Variants in NRXN1 observed in about 807,000 individuals in gnomAD.
The protein encoded by NRXN1 is neurexin-1.
NRXN1 carries 39 observed loss-of-function variants against 150.9 expected under a neutral mutation model. The observed-to-expected ratio is 0.26, with a 90% confidence interval of 0.20 to 0.34. The LOEUF (loss-of-function observed/expected upper bound fraction) is 0.34, where lower values mean the gene tolerates loss of function less well. Ranked by LOEUF, NRXN1 falls within the 10% of genes least tolerant of loss-of-function variation. The probability of loss-of-function intolerance (pLI) is 1.00; values close to 1 mark genes in which losing one functional copy is unlikely to be tolerated. For missense variants in NRXN1, 1,815 were observed against 1,949.9 expected, an observed-to-expected ratio of 0.93 and a Z score of 1.30; for synonymous variants, 924 against 757.0, an observed-to-expected ratio of 1.22 and a Z score of -3.62.
intron 21 of NRXN1, among the ~76,000 whole-genome samples, chr2:50,011,063 T>A (rs1209459787): frequency 6.6e-6 from 1 of 151,996 alleles, no homozygotes; most frequent in Admixed American, 6.6e-5. Flanking sequence ...CCTTGGAGAG[T>A]TTTTACAATC....
At chr2:50,248,514 C>A (rs2066724971) in intron 17 of NRXN1, among the ~76,000 whole-genome samples, 1 of 152,102 alleles carries the variant, frequency 6.6e-6, no homozygotes, top group Non-Finnish European at 1.5e-5. Context: ...GTAAATAAAT[C>A]ATTATTAAGT....
intron 15 of NRXN1, among the ~76,000 whole-genome samples, chr2:50,474,065 C>G (rs970753489): frequency 6.6e-6 from 1 of 151,896 alleles, no homozygotes; most frequent in African/African-American, 2.4e-5. Flanking sequence ...AAAGCAAAGT[C>G]TACTGACTAT....
intron 21 of NRXN1, among the ~76,000 whole-genome samples, chr2:49,984,447 A>C (rs1366796594): frequency 2.0e-5 from 3 of 152,116 alleles, no homozygotes; most frequent in Non-Finnish European, 4.4e-5. Flanking sequence ...TCTAGCAATA[A>C]AAACTTTTTT....
intron 17 of NRXN1, among the ~76,000 whole-genome samples, chr2:50,441,287 G>T (rs1006020639): frequency 2.0e-5 from 3 of 151,914 alleles, no homozygotes; most frequent in Admixed American, 1.3e-4. Context: ...CATGGTAAAT[G>T]GATTATTAGT....
chr2:49,927,224 T>A (rs1669261911), intron 22 of NRXN1, among the ~76,000 whole-genome samples: 1 of 152,194 alleles, frequency 6.6e-6, no homozygotes, highest in African/African-American at 2.4e-5. Flanking sequence ...CCAGAACAGG[T>A]TTTGTGTTTC....
At position 50,925,872 on chromosome 2, in the gene NRXN1, T is replaced by C. The variant is rs371281916; in HGVS notation, c.790+66A>G. 299 of 1,221,602 alleles carry C rather than the reference T, an allele frequency of 2.4e-4. No homozygotes were observed. The African/African-American group carries it at 4.3e-3, about 17-fold the overall frequency. The allele number at this position is 1,221,602 out of a possible 1,614,324, so 75.7% of individuals were successfully genotyped here. On this transcript the variant is annotated intron_variant, in intron 3 of 22. Coordinates refer to ENST00000401669, the MANE Select transcript of NRXN1 (RefSeq NM_001330078.2). ...CAACTTACCATCTAACTTCAAGATG[T>C]ACCCTATTAGTACTAAGAAATAAAG...
At chr2:50,748,332 A>G (rs1230982925) in intron 5 of NRXN1, among the ~76,000 whole-genome samples, 1 of 152,162 alleles carries the variant, frequency 6.6e-6, no homozygotes, top group African/African-American at 2.4e-5. Context: ...AACTGTGATT[A>G]TGCATCACTG....
intron 17 of NRXN1, among the ~76,000 whole-genome samples, chr2:50,431,638 A>G (rs1558720587): frequency 6.6e-6 from 1 of 152,220 alleles, no homozygotes; most frequent in Non-Finnish European, 1.5e-5. Context: ...TAAAATGAAA[A>G]CATAATTGTC....
At chr2:49,924,347 G>A (rs144745974) in intron 22 of NRXN1, among the ~76,000 whole-genome samples, 17 of 152,294 alleles carry the variant, frequency 1.1e-4, no homozygotes, top group African/African-American at 1.4e-4. Flanking sequence ...GCTTATGACA[G>A]TAAAATTTGA....
intron 6 of NRXN1, 96 bp from the exon 7 acceptor site, chr2:50,621,345 T>G: frequency 2.1e-6 from 2 of 934,596 alleles, no homozygotes; most frequent in Non-Finnish European, 3.3e-6. Context: ...TGTTAGTACA[T>G]TTTTTGATTC....
At chr2:49,937,766 C>G (rs919057069) in intron 22 of NRXN1, among the ~76,000 whole-genome samples, 1 of 152,166 alleles carries the variant, frequency 6.6e-6, no homozygotes, top group Non-Finnish European at 1.5e-5. Flanking sequence ...AATGTGTTGG[C>G]TATTACGGAC....
intron 17 of NRXN1, among the ~76,000 whole-genome samples, chr2:50,321,761 A>G (rs2076056375): frequency 6.6e-6 from 1 of 152,136 alleles, no homozygotes; most frequent in South Asian, 2.1e-4. Context: ...ATTCTACAAT[A>G]TTGTATAATA....
intron 2 of NRXN1, among the ~76,000 whole-genome samples, chr2:51,015,215 C>A (rs1296033312): frequency 2.6e-5 from 4 of 152,110 alleles, no homozygotes; most frequent in African/African-American, 9.6e-5. Flanking sequence ...CACAAATACT[C>A]TTTTTCTCTC....
chr2:50,339,334 C>A (rs1230436238), intron 17 of NRXN1, among the ~76,000 whole-genome samples: 2 of 150,192 alleles, frequency 1.3e-5, no homozygotes, highest in African/African-American at 2.5e-5. Flanking sequence ...AAGTTCACAA[C>A]CTTGGTTTAA....
intron 21 of NRXN1, among the ~76,000 whole-genome samples, chr2:49,948,992 CTTG>C (rs1673453242): frequency 6.6e-6 from 1 of 151,992 alleles, no homozygotes; most frequent in Non-Finnish European, 1.5e-5. Context: ...AGCATCTCTT[CTTG>C]TTGAAAATGT....
At chr2:50,519,391 G>T (rs897118234) in intron 12 of NRXN1, among the ~76,000 whole-genome samples, 1 of 151,804 alleles carries the variant, frequency 6.6e-6, no homozygotes, top group Middle Eastern at 3.2e-3. Context: ...AAAAATATTG[G>T]AATTAATTCT....
At chr2:50,381,522 A>C (rs1224423647) in intron 17 of NRXN1, among the ~76,000 whole-genome samples, 1 of 128,502 alleles carries the variant, frequency 7.8e-6, no homozygotes. Flanking sequence ...CAGGCTTTTA[A>C]ACACACACAC....
intron 18 of NRXN1, among the ~76,000 whole-genome samples, chr2:50,221,315 G>C (rs985266206): frequency 6.6e-6 from 1 of 152,020 alleles, no homozygotes; most frequent in East Asian, 1.9e-4. Flanking sequence ...AAATGGGGCT[G>C]CCTGCTGCTC....
chr2:50,168,849 A>G (rs1022493792), intron 18 of NRXN1, among the ~76,000 whole-genome samples: 1 of 152,220 alleles, frequency 6.6e-6, no homozygotes, highest in Non-Finnish European at 1.5e-5. Flanking sequence ...TTCGTCTTCC[A>G]TTTACAACTT....
Sources: allele counts gnomAD v4.1 joint callset (sites outside exome capture counted in the v4.1 genomes callset), GRCh38; gene constraint gnomAD v4.1.1; transcripts MANE v1.5; gene names NCBI Gene and HGNC (gene_info 2026-07-23, HGNC 2026-07-21).